Variants in HTR1F observed in about 807,000 individuals in gnomAD.
The protein encoded by HTR1F is 5-hydroxytryptamine receptor 1F, also known as 5-hydroxytryptamine (serotonin) receptor 1F, G protein-coupled.
Under a neutral mutation model 24.0 loss-of-function variants are expected in HTR1F, and 17 were observed. The observed-to-expected ratio is 0.71, with a 90% CI of 0.48 to 1.06. The LOEUF (loss-of-function observed/expected upper bound fraction) is 1.06, where lower values mean the gene tolerates loss of function less well. Ranked by LOEUF, HTR1F falls within the 50% of genes least tolerant of loss-of-function variation. The pLI is 0.00. For missense variants in HTR1F, 391 were observed against 427.8 expected (o/e 0.91, Z 0.76); for synonymous variants, 186 against 156.8 (o/e 1.19, Z -1.39).
In HTR1F at chr3:87,990,694, T is replaced by C; in HGVS notation, c.-42-14T>C. On this transcript the variant is annotated splice_polypyrimidine_tract_variant and intron_variant, in intron 2 of 2. Coordinates refer to ENST00000319595, the MANE Select transcript of HTR1F (RefSeq NM_001322209.2). ...AGCCTTCTCTGAACTGTTTTTTCTCTTCCCTTGTTACAGGTATCCATTTTT... is the reference window on the plus strand; with the variant it reads ...AGCCTTCTCTGAACTGTTTTTTCTCCTCCCTTGTTACAGGTATCCATTTTT... 7.3e-7 allele frequency: 1 copy of C among 1,362,192 alleles called. No individual in the cohort carries two copies. Among genetic ancestry groups the C allele is most frequent in the East Asian group, 2.3e-5 (1 of 43,468 alleles). The allele number at this position is 1,362,192 out of a possible 1,614,324, so 84.4% of individuals were successfully genotyped here. A position where few individuals can be genotyped will look rare whatever the true frequency, so the allele number is the denominator to read the frequency against.
In HTR1F at chr3:87,931,744, C is replaced by A. The variant is rs1576048966; in HGVS notation, c.-42-58964C>A. ...TGATTTTTAATGATTGGCATTCTAA[C>A]TGGTGTGAGATGGTATCTCATAGTG... is the stretch of plus-strand genomic sequence containing the variant. On this transcript the variant is annotated intron_variant, in intron 2 of 2. Coordinates refer to ENST00000319595, the MANE Select transcript of HTR1F (RefSeq NM_001322209.2). Among the ~76,000 whole-genome samples the A allele has an allele frequency of 2.0e-5, 3 of 151,686 alleles. No homozygotes were observed. In the South Asian group the frequency reaches 6.2e-4, roughly 32 times the overall value.
At chr3:87,875,782 G>A (rs1299528733) in intron 2 of HTR1F, among the ~76,000 whole-genome samples, 1 of 151,740 alleles carries the variant, frequency 6.6e-6, no homozygotes, top group Non-Finnish European at 1.5e-5. Flanking sequence ...AAATTAGCTG[G>A]GCATGGTGGT....
intron 2 of HTR1F, among the ~76,000 whole-genome samples, chr3:87,917,866 T>C (rs1396626371): frequency 1.3e-5 from 2 of 151,948 alleles, no homozygotes; most frequent in African/African-American, 2.4e-5. Flanking sequence ...CCTAAATCAT[T>C]CTATGAAGCC....
In HTR1F at chr3:87,912,946, G is replaced by T. The variant is rs187366902; in HGVS notation, c.-42-77762G>T. 4.1e-4 allele frequency among the ~76,000 whole-genome samples: 63 copies of T among 152,264 alleles called. No individual in the cohort carries two copies. The East Asian group carries it at 9.1e-3, about 22-fold the overall frequency. On this transcript the variant is annotated intron_variant, in intron 2 of 2. Coordinates refer to ENST00000319595, the MANE Select transcript of HTR1F (RefSeq NM_001322209.2). The stretch of plus-strand genomic sequence containing the variant: ...CACATACAAAAATCAACTCAAGATG[G>T]ATTGAAGACTTAAATGTAAAACCCA...
intron 2 of HTR1F, among the ~76,000 whole-genome samples, chr3:87,881,551 C>T (rs1200908537): frequency 6.6e-6 from 1 of 152,166 alleles, no homozygotes; most frequent in Non-Finnish European, 1.5e-5. Context: ...TCAGAAATAA[C>T]TCCGCATATC....
intron 2 of HTR1F, among the ~76,000 whole-genome samples, chr3:87,852,404 T>C (rs1705106628): frequency 6.6e-6 from 1 of 151,738 alleles, no homozygotes; most frequent in Non-Finnish European, 1.5e-5. Context: ...AAAATTGCTA[T>C]TTCTTAATTC....
Position 87,931,158 on chromosome 3 carries a change from A to G in HTR1F, c.-42-59550A>G, listed in dbSNP as rs1409255643. Among the ~76,000 whole-genome samples, 3 of 151,430 alleles carry G rather than the reference A, an allele frequency of 2.0e-5. No homozygotes were observed. The East Asian group carries it at 5.8e-4, about 29-fold the overall frequency. ...GGTGTGCTGCACCCATTAACTCATC[A>G]TTTAGCATTAGGTATATCCCCTAAT... On this transcript the variant is annotated intron_variant, in intron 2 of 2. Coordinates refer to ENST00000319595, the MANE Select transcript of HTR1F (RefSeq NM_001322209.2).
intron 2 of HTR1F, among the ~76,000 whole-genome samples, chr3:87,932,853 T>C (rs1208628916): frequency 2.0e-5 from 3 of 151,800 alleles, no homozygotes; most frequent in Non-Finnish European, 4.4e-5. Context: ...ACTCATTTTA[T>C]GAGGCCAGCA....
chr3:87,931,967 G>A (rs984869126), intron 2 of HTR1F, among the ~76,000 whole-genome samples: 1 of 152,036 alleles, frequency 6.6e-6, no homozygotes, highest in African/African-American at 2.4e-5. Flanking sequence ...TGAGTGGGTT[G>A]CAAAAATTTT....
At chr3:87,817,393 G>T (rs1045604313) in intron 1 of HTR1F, among the ~76,000 whole-genome samples, 3 of 152,156 alleles carry the variant, frequency 2.0e-5, no homozygotes, top group African/African-American at 7.2e-5. Context: ...ATCTTTGATA[G>T]TGATAATAAC....
chr3:87,931,780 G>T (rs527647280), intron 2 of HTR1F, among the ~76,000 whole-genome samples: 1 of 149,704 alleles, frequency 6.7e-6, no homozygotes, highest in Admixed American at 6.6e-5. Context: ...GTTTTGATTT[G>T]CATTTCTCTG....
intron 2 of HTR1F, among the ~76,000 whole-genome samples, chr3:87,898,837 A>G (rs539227950): frequency 6.6e-6 from 1 of 152,158 alleles, no homozygotes; most frequent in Non-Finnish European, 1.5e-5. Context: ...AGAAATCTAA[A>G]TTGTATTTTA....
intron 2 of HTR1F, among the ~76,000 whole-genome samples, chr3:87,883,963 G>A (rs1705872793): frequency 6.6e-6 from 1 of 152,116 alleles, no homozygotes; most frequent in Non-Finnish European, 1.5e-5. Flanking sequence ...AGCAAGGCAA[G>A]CCAACATTCA....
chr3:87,856,762 T>A (rs771511432), intron 2 of HTR1F, among the ~76,000 whole-genome samples: 1 of 152,148 alleles, frequency 6.6e-6, no homozygotes, highest in African/African-American at 2.4e-5. Context: ...CATGTAAATA[T>A]GTGCATTCAG....
At chr3:87,898,734 T>C (rs1706255946) in intron 2 of HTR1F, among the ~76,000 whole-genome samples, 2 of 152,112 alleles carry the variant, frequency 1.3e-5, no homozygotes, top group Admixed American at 1.3e-4. Context: ...ATGCTTTTGA[T>C]TTACATACAT....
At chr3:87,965,324 T>A (rs1705141033) in intron 2 of HTR1F, among the ~76,000 whole-genome samples, 1 of 152,212 alleles carries the variant, frequency 6.6e-6, no homozygotes, top group Admixed American at 6.5e-5. Context: ...ATATTCTACA[T>A]TATGGAGTCT....
chr3:87,916,540 A>C (rs181729915), intron 2 of HTR1F, among the ~76,000 whole-genome samples: 2 of 152,102 alleles, frequency 1.3e-5, no homozygotes. Context: ...GGAAAAACAC[A>C]TTTCATGGAC....
At chr3:87,869,454 T>TTA (rs113301497) in intron 2 of HTR1F, among the ~76,000 whole-genome samples, 39 of 124,772 alleles carry the variant, frequency 3.1e-4, no homozygotes, top group African/African-American at 1.3e-3. Flanking sequence ...GATAGATAGA[T>TTA]GATAGATAGA....
At chr3:87,937,901 G>A (rs1178633219) in intron 2 of HTR1F, among the ~76,000 whole-genome samples, 1 of 149,572 alleles carries the variant, frequency 6.7e-6, no homozygotes, top group Non-Finnish European at 1.5e-5. Context: ...TCCAGCTTGG[G>A]CAATAGAGCG....
Sources: allele counts gnomAD v4.1 joint callset (sites outside exome capture counted in the v4.1 genomes callset), GRCh38; gene constraint gnomAD v4.1.1; transcripts MANE v1.5; gene names NCBI Gene and HGNC (gene_info 2026-07-23, HGNC 2026-07-21).